Variants in SNX6 observed in about 807,000 individuals in gnomAD.
SNX6 encodes the protein sorting nexin-6.
SNX6 carries 34 observed loss-of-function variants against 63.0 expected under a neutral mutation model. That is an observed-to-expected ratio of 0.54 (90% CI 0.41 to 0.72). SNX6 has a LOEUF of 0.72. SNX6 is among the 30% of genes least tolerant of loss of function. The pLI is 0.00. For missense variants in SNX6, 398 were observed against 471.4 expected (o/e 0.84, Z 1.44); for synonymous variants, 170 against 164.2 (o/e 1.04, Z -0.27).
intron 2 of SNX6, among the ~76,000 whole-genome samples, chr14:34,625,504 G>A (rs55938117): frequency 0.15 from 22,340 of 151,864 alleles, 1,753 homozygotes; most frequent in East Asian, 0.17. Flanking sequence ...AGGCCGAGGC[G>A]GGCAGATCCC....
intron 6 of SNX6, among the ~76,000 whole-genome samples, chr14:34,599,467 C>T (rs1461128234): frequency 1.3e-5 from 2 of 152,110 alleles, no homozygotes; most frequent in East Asian, 3.9e-4. Flanking sequence ...ACTAGCTGGG[C>T]GTCGTGGCAT....
intron 2 of SNX6, among the ~76,000 whole-genome samples, chr14:34,618,386 T>A (rs1334632762): frequency 1.3e-5 from 2 of 152,104 alleles, no homozygotes; most frequent in Non-Finnish European, 1.5e-5. Context: ...AGTCTTGCTC[T>A]GTCGCCAAGG....
Position 34,629,939 on chromosome 14 carries a change from C to G in SNX6, c.22G>C (p.Gly8Arg), listed in dbSNP as rs770298859. The G allele has an allele frequency of 4.5e-6, 7 of 1,550,058 alleles. No individual in the cohort carries two copies. The highest frequency in any genetic ancestry group is 6.1e-6 in the Non-Finnish European group (7 of 1,149,440). MMEGLDDGPDFLSEEDRG... is the reference protein window; with the variant it reads MMEGLDDRPDFLSEEDRG... ...TCCTCTTCTGAGAGGAAGTCCGGGC[C>G]GTCGTCCAGGCCTTCCTGTGGGGTC... Residue 8 changes from glycine to arginine, a missense_variant, in exon 2 of 14, where the codon GGC (glycine) becomes CGC (arginine). By Grantham distance (125) the Gly-to-Arg change is moderately radical. Coordinates refer to ENST00000362031, the MANE Select transcript of SNX6 (RefSeq NM_152233.4).
chr14:34,615,774 G>C (rs929424507), intron 2 of SNX6, among the ~76,000 whole-genome samples: 5 of 151,946 alleles, frequency 3.3e-5, no homozygotes, highest in Non-Finnish European at 7.4e-5. Context: ...GCCTGTAATA[G>C]GACTTATGAC....
chr14:34,604,400 G>C, intron 5 of SNX6: 2 of 710,298 alleles, frequency 2.8e-6, no homozygotes, highest in South Asian at 2.9e-5. Context: ...CTATCAGACC[G>C]CTGCTTGCAA....
chr14:34,565,830 C>T (rs1272104519), intron 13 of SNX6, among the ~76,000 whole-genome samples: 1 of 152,158 alleles, frequency 6.6e-6, no homozygotes, highest in African/African-American at 2.4e-5. Context: ...GCTGGGACCA[C>T]AGGCGCCCGC....
At chr14:34,617,466 C>T (rs978289420) in intron 2 of SNX6, among the ~76,000 whole-genome samples, 8 of 151,822 alleles carry the variant, frequency 5.3e-5, no homozygotes, top group Non-Finnish European at 1.2e-4. Flanking sequence ...ATAGTGAGAT[C>T]GTGTCTCCAC....
chr14:34,566,510 A>T (rs1881190164), intron 13 of SNX6, among the ~76,000 whole-genome samples: 1 of 152,190 alleles, frequency 6.6e-6, no homozygotes, highest in Non-Finnish European at 1.5e-5. Context: ...CACCGCACCC[A>T]GCCTAATTTT....
At position 34,563,142 on chromosome 14, in the gene SNX6, C is replaced by T; in HGVS notation, c.1201G>A (p.Val401Met). The change falls in exon 14 of 14, where the codon GTG (valine) becomes ATG (methionine). Residue 401 changes from valine to methionine, a missense_variant. Transcript: ENST00000362031. ...GTGGCTTATGTGTCTCCATTTAACA[C>T]TGCCAGGCAGTTCTGCAGCAACTGT... ...NLQLLQNCLA[V>M]LNGDT 6.2e-7 allele frequency: 1 copy of T among 1,614,088 alleles called. No homozygotes were observed. Among genetic ancestry groups the T allele is most frequent in the South Asian group, 1.1e-5 (1 of 91,056 alleles).
intron 4 of SNX6, among the ~76,000 whole-genome samples, chr14:34,607,418 C>T (rs1329983188): frequency 1.3e-5 from 2 of 151,870 alleles, no homozygotes; most frequent in Non-Finnish European, 2.9e-5. Flanking sequence ...ACCAGCCTGG[C>T]CAACATGGCG....
In SNX6 at chr14:34,630,121, G is replaced by C; in HGVS notation, c.-5C>G. ...GCGGAGAACACCCACCATCATGGCT[G>C]CTCCGAGGCGAGGGCCGGCGCAGGC... On this transcript the variant is annotated 5_prime_UTR_variant, in exon 1 of 14. Transcript: ENST00000362031. 1.5e-6 allele frequency: 2 copies of C among 1,354,018 alleles called. No homozygotes were observed. The highest frequency in any genetic ancestry group is 9.4e-7 in the Non-Finnish European group (1 of 1,059,250). 83.9% of individuals were successfully genotyped at this position (1,354,018 alleles called of 1,614,324 possible). A position where few individuals can be genotyped will look rare whatever the true frequency, so the allele number is the denominator to read the frequency against.
intron 8 of SNX6, among the ~76,000 whole-genome samples, chr14:34,588,219 G>A (rs914829112): frequency 2.6e-5 from 4 of 152,022 alleles, no homozygotes; most frequent in Admixed American, 1.3e-4. Context: ...GTGCTAGCCA[G>A]GATGGTATCG....
At chr14:34,586,192 C>A in intron 9 of SNX6, 38 bp downstream of exon 9, 3 of 1,394,104 alleles carry the variant, frequency 2.2e-6, no homozygotes, top group Non-Finnish European at 3.0e-6. Context: ...TGAGCCACCG[C>A]GCCCAGCCTA....
At chr14:34,574,348 A>AAG (rs1566466718) in intron 11 of SNX6, among the ~76,000 whole-genome samples, 1 of 150,698 alleles carries the variant, frequency 6.6e-6, no homozygotes, top group African/African-American at 2.4e-5. Context: ...AAAAAAAAAA[A>AAG]AGAGAAAAAA....
At chr14:34,614,436 CAA>C (rs146083735) in intron 2 of SNX6, among the ~76,000 whole-genome samples, 2 of 130,054 alleles carry the variant, frequency 1.5e-5, no homozygotes. Context: ...GACCCTGTCT[CAA>C]AAAAAAAAAA....
At chr14:34,588,730 T>C (rs190114039) in intron 8 of SNX6, among the ~76,000 whole-genome samples, 93 of 152,306 alleles carry the variant, frequency 6.1e-4, no homozygotes, top group Non-Finnish European at 1.2e-3. Context: ...ATTGTTAAGA[T>C]GCCAGTTCTC....
chr14:34,603,285 CAAA>C (rs887998953), intron 6 of SNX6, 60 bp downstream of exon 6: 7 of 1,163,204 alleles, frequency 6.0e-6, no homozygotes, highest in East Asian at 6.1e-5. Context: ...GATTCCGTCT[CAAA>C]AAAAAAAAGA....
In SNX6 at chr14:34,575,854, G is replaced by A. The variant is rs1881674228; in HGVS notation, c.835-12C>T. Reference sequence around the variant, plus strand: ...CGTGCTTCTATTTTCTGAAAAGAAGGAAAAAATTGAATATTTAATCAACAA... The same window carrying A: ...CGTGCTTCTATTTTCTGAAAAGAAGAAAAAAATTGAATATTTAATCAACAA... On this transcript the variant is annotated splice_polypyrimidine_tract_variant and intron_variant, in intron 10 of 13. Transcript: ENST00000362031. 6.8e-7 allele frequency: 1 copy of A among 1,470,582 alleles called. No individual in the cohort carries two copies. The highest frequency in any genetic ancestry group is 2.3e-5 in the East Asian group (1 of 42,826). The allele number at this position is 1,470,582 out of a possible 1,614,324, so 91.1% of individuals were successfully genotyped here.
intron 6 of SNX6, 113 bp from the exon 7 acceptor site, chr14:34,597,758 A>G (rs1212115434): frequency 3.2e-6 from 2 of 626,686 alleles, no homozygotes; most frequent in South Asian, 2.0e-5. Context: ...TAATCTTAAT[A>G]AAGTGGAAAT....
Sources: allele counts gnomAD v4.1 joint callset (sites outside exome capture counted in the v4.1 genomes callset), GRCh38; gene constraint gnomAD v4.1.1; transcripts MANE v1.5; gene names NCBI Gene and HGNC (gene_info 2026-07-23, HGNC 2026-07-21).